C8orf34: variants seen among roughly 807,000 people sequenced by gnomAD.
C8orf34 encodes the protein chromosome 8 open reading frame 34, also known as uncharacterized protein C8orf34.
C8orf34 carries 65 observed loss-of-function variants against 68.3 expected under a neutral mutation model. The ratio of observed to expected loss-of-function variants is 0.95; its 90% CI spans 0.78 to 1.17. C8orf34 has a LOEUF of 1.17. C8orf34 is among the 50% of genes most tolerant of loss of function. The pLI, the probability that C8orf34 is intolerant of heterozygous loss-of-function variation, is 0.00. For synonymous variants in C8orf34, 244 were observed against 241.2 expected, an observed-to-expected ratio of 1.01 and a Z score of -0.11; for missense variants, 664 against 655.4, an observed-to-expected ratio of 1.01 and a Z score of -0.14.
At chr8:68,348,520 A>G (rs1004412929) in intron 1 of C8orf34, among the ~76,000 whole-genome samples, 2 of 152,000 alleles carry the variant, frequency 1.3e-5, no homozygotes, top group Admixed American at 1.3e-4. Flanking sequence ...GCAGTTTGAT[A>G]GGAATAGCAT....
chr8:68,721,968 A>G (rs972245499), intron 10 of C8orf34, among the ~76,000 whole-genome samples: 28 of 152,228 alleles, frequency 1.8e-4, no homozygotes, highest in Admixed American at 5.2e-4. Flanking sequence ...TTCTATAAAA[A>G]TAGCTAATGC....
At position 68,345,907 on chromosome 8, in the gene C8orf34, T is replaced by C. The variant is rs1044320488; in HGVS notation, c.327+14568T>C. 2.0e-5 allele frequency among the ~76,000 whole-genome samples: 3 copies of C among 152,150 alleles called. No homozygotes were observed. The South Asian group carries it at 6.2e-4, about 32-fold the overall frequency. The stretch of plus-strand genomic sequence containing the variant: ...GCCACAAAGAAAATACTAACAAATG[T>C]ATTAACTTAGAAAACTGTACAGGCC... On this transcript the variant is annotated intron_variant, in intron 1 of 13. Transcript: ENST00000518698.
At chr8:68,394,821 A>T (rs1444385174) in intron 1 of C8orf34, among the ~76,000 whole-genome samples, 1 of 151,964 alleles carries the variant, frequency 6.6e-6, no homozygotes, top group African/African-American at 2.4e-5. Context: ...TGTGCTCAAG[A>T]TTTCACTCCA....
intron 4 of C8orf34, among the ~76,000 whole-genome samples, chr8:68,474,781 G>C (rs1337344843): frequency 2.0e-5 from 3 of 152,194 alleles, no homozygotes; most frequent in African/African-American, 7.2e-5. Flanking sequence ...CATGGGGCAG[G>C]TTTCTAATGC....
chr8:68,384,676 TTAAA>T (rs563925140), intron 1 of C8orf34, among the ~76,000 whole-genome samples: 103 of 152,216 alleles, frequency 6.8e-4, no homozygotes, highest in Non-Finnish European at 1.2e-3. Context: ...AACTGGTTGT[TTAAA>T]TACATAAAAT....
intron 2 of C8orf34, among the ~76,000 whole-genome samples, chr8:68,445,395 A>G (rs1005803804): frequency 2.0e-5 from 3 of 152,208 alleles, no homozygotes; most frequent in Non-Finnish European, 4.4e-5. Context: ...TGAAGAAGGA[A>G]TAAATGAGTT....
At chr8:68,635,259 T>A (rs914239479) in intron 7 of C8orf34, among the ~76,000 whole-genome samples, 2 of 152,140 alleles carry the variant, frequency 1.3e-5, no homozygotes. Flanking sequence ...CAGGATTCTG[T>A]GTCTTATTAG....
At chr8:68,474,606 C>T (rs1812522009) in intron 4 of C8orf34, among the ~76,000 whole-genome samples, 1 of 152,154 alleles carries the variant, frequency 6.6e-6, no homozygotes, top group South Asian at 2.1e-4. Context: ...AGGAGAGTTT[C>T]ATGGCCAAAA....
At chr8:68,818,156 A>T in intron 13 of C8orf34, 83 bp from the exon 14 acceptor site, 1 of 1,420,840 alleles carries the variant, frequency 7.0e-7, no homozygotes, top group South Asian at 1.2e-5. Context: ...GAAAGCATTA[A>T]AATCACAATT....
intron 1 of C8orf34, among the ~76,000 whole-genome samples, chr8:68,374,563 A>G (rs1807708203): frequency 6.6e-6 from 1 of 152,236 alleles, no homozygotes; most frequent in Admixed American, 6.5e-5. Flanking sequence ...GCAAGCTTTG[A>G]AATTAGGAGA....
chr8:68,815,748 C>G, intron 12 of C8orf34, 138 bp from the exon 13 acceptor site: 2 of 1,399,304 alleles, frequency 1.4e-6, no homozygotes, highest in Non-Finnish European at 2.0e-6. Flanking sequence ...AATGGCAGCA[C>G]AGTACATACT....
chr8:68,715,491 A>G (rs1821445478), intron 9 of C8orf34, among the ~76,000 whole-genome samples: 1 of 152,156 alleles, frequency 6.6e-6, no homozygotes, highest in Non-Finnish European at 1.5e-5. Context: ...TCAAAAGAGG[A>G]TATATGAGTG....
intron 7 of C8orf34, among the ~76,000 whole-genome samples, chr8:68,578,828 T>C (rs1816980485): frequency 6.6e-6 from 1 of 152,090 alleles, no homozygotes; most frequent in South Asian, 2.1e-4. Flanking sequence ...CTTGTAATTA[T>C]GGCAAAAACT....
At chr8:68,396,712 CAAAAAAAAAAAAAA>C (rs56946858) in intron 1 of C8orf34, among the ~76,000 whole-genome samples, 2 of 18,694 alleles carry the variant, frequency 1.1e-4, no homozygotes, top group East Asian at 2.6e-3. Flanking sequence ...AGCTGCTTGT[CAAAAAAAAAAAAAA>C]AAAAAAAAAA....
At chr8:68,412,820 C>T (rs958678014) in intron 1 of C8orf34, among the ~76,000 whole-genome samples, 12 of 152,138 alleles carry the variant, frequency 7.9e-5, no homozygotes, top group Admixed American at 4.6e-4. Context: ...AATATCCCAA[C>T]CCCAACGACT....
intron 8 of C8orf34, among the ~76,000 whole-genome samples, chr8:68,643,881 T>C (rs1819088222): frequency 6.6e-6 from 1 of 152,208 alleles, no homozygotes; most frequent in African/African-American, 2.4e-5. Flanking sequence ...ACTGGGTCTA[T>C]ATTCTGGAAA....
At chr8:68,734,746 A>G in intron 10 of C8orf34, among the ~76,000 whole-genome samples, 1 of 152,136 alleles carries the variant, frequency 6.6e-6, no homozygotes, top group East Asian at 1.9e-4. Flanking sequence ...TCATCATGTT[A>G]ACATCTCTGC....
intron 8 of C8orf34, among the ~76,000 whole-genome samples, chr8:68,679,928 A>G (rs1271707715): frequency 6.6e-6 from 1 of 152,186 alleles, no homozygotes; most frequent in Non-Finnish European, 1.5e-5. Context: ...CAAAAATCAA[A>G]TCAAAATGAA....
chr8:68,592,930 G>T (rs532095926), intron 7 of C8orf34, among the ~76,000 whole-genome samples: 2 of 151,602 alleles, frequency 1.3e-5, no homozygotes, highest in Admixed American at 6.6e-5. Context: ...TCTTTTATTC[G>T]ATGTGTTGAG....
Sources: allele counts gnomAD v4.1 joint callset (sites outside exome capture counted in the v4.1 genomes callset), GRCh38; gene constraint gnomAD v4.1.1; transcripts MANE v1.5; gene names NCBI Gene and HGNC (gene_info 2026-07-23, HGNC 2026-07-21).